Variants in TLE2 observed in about 807,000 individuals in gnomAD.
TLE2 encodes the protein transducin-like enhancer protein 2.
TLE2 carries 74 observed loss-of-function variants against 97.2 expected under a neutral mutation model. The ratio of observed to expected loss-of-function variants is 0.76; its 90% CI spans 0.63 to 0.92. The LOEUF is 0.92. Among genes scored for constraint, TLE2 ranks in the 40% least tolerant of loss-of-function variants. The pLI is 0.00. For synonymous variants in TLE2, 499 were observed against 432.1 expected, an observed-to-expected ratio of 1.15 and a Z score of -1.92; for missense variants, 1,038 against 1,008.7, an observed-to-expected ratio of 1.03 and a Z score of -0.39.
At chr19:3,040,038 G>T (rs1299766281) in intron 1 of TLE2, among the ~76,000 whole-genome samples, 1 of 152,226 alleles carries the variant, frequency 6.6e-6, no homozygotes, top group Non-Finnish European at 1.5e-5. Context: ...GGGACAATTT[G>T]GGGTGCGGAA....
intron 1 of TLE2, among the ~76,000 whole-genome samples, chr19:3,042,297 G>A (rs1415992737): frequency 7.4e-5 from 9 of 121,868 alleles, no homozygotes; most frequent in Non-Finnish European, 5.3e-5. Flanking sequence ...GGAAGGGGGG[G>A]CGGTGAGGTG....
intron 13 of TLE2, among the ~76,000 whole-genome samples, chr19:3,009,151 C>T (rs147948681): frequency 3.5e-4 from 54 of 152,328 alleles, no homozygotes; most frequent in Non-Finnish European, 5.1e-4. Context: ...TCCAGGAAAT[C>T]CTAGAACTCC....
chr19:3,012,096 A>C (rs1450726840), intron 11 of TLE2, among the ~76,000 whole-genome samples: 1 of 151,744 alleles, frequency 6.6e-6, no homozygotes, highest in African/African-American at 2.4e-5. Flanking sequence ...AATACAAAAA[A>C]TTAGCCAGGC....
rs761273219 is a variant in TLE2 at position 3,006,628 on chromosome 19, G to C, written c.1292C>G (p.Pro431Arg). Residue 431 changes from proline to arginine, a missense_variant, in exon 15 of 20, where the codon CCG (proline) becomes CGG (arginine). Physicochemically the swap from Pro to Arg is moderately radical, Grantham distance 103. Coordinates refer to ENST00000262953, the MANE Select transcript of TLE2 (RefSeq NM_003260.5). The part of the protein sequence containing the change: ...FHVSADGQMQ[P>R]VPFPSDALVG... Reference sequence around the variant, plus strand: ...CAGTGCATCCGAGGGGAAGGGAACCGGCTGCATCTGCCCGTCCGCAGACAC... The same window carrying C: ...CAGTGCATCCGAGGGGAAGGGAACCCGCTGCATCTGCCCGTCCGCAGACAC... 2 of 1,610,242 alleles carry C rather than the reference G, an allele frequency of 1.2e-6. No homozygotes were observed. Among genetic ancestry groups the C allele is most frequent in the Non-Finnish European group, 1.7e-6 (2 of 1,178,212 alleles).
At chr19:3,006,717 G>A (rs754694081) in intron 14 of TLE2, 48 bp from the exon 15 acceptor site, 6 of 1,535,830 alleles carry the variant, frequency 3.9e-6, no homozygotes, top group East Asian at 2.3e-5. Context: ...CCACGCCCCC[G>A]CACCCGCACC....
intron 1 of TLE2, among the ~76,000 whole-genome samples, chr19:3,038,765 C>T (rs1682389900): frequency 6.6e-6 from 1 of 152,108 alleles, no homozygotes; most frequent in African/African-American, 2.4e-5. Context: ...AAAATTAAGG[C>T]CGGGCGCAGT....
intron 19 of TLE2, among the ~76,000 whole-genome samples, chr19:2,998,948 A>G (rs1275937413): frequency 6.6e-6 from 1 of 152,226 alleles, no homozygotes; most frequent in Non-Finnish European, 1.5e-5. Context: ...GGCTTTGCCT[A>G]AAGTCTAAAT....
At chr19:3,006,359 T>A in intron 15 of TLE2, 61 bp downstream of exon 15, 1 of 1,569,374 alleles carries the variant, frequency 6.4e-7, no homozygotes, top group Non-Finnish European at 8.6e-7. Context: ...CACCGCCCCA[T>A]TGGAACATAA....
Position 3,019,409 on chromosome 19 carries a change from G to C in TLE2, c.424C>G (p.Pro142Ala). ...GCACTGCCGCCCACCAGCCCGGCTG[G>C]GCGGGGGGTGAGGGGCACAGGGGGT... Reference protein sequence around the residue: ...HAPPVPLTPRPAGLVGGSATG... With the variant: ...HAPPVPLTPRAAGLVGGSATG... The change falls in exon 7 of 20, where the codon CCA (proline) becomes GCA (alanine). Residue 142 changes from proline (P) to alanine (A), a missense_variant. Physicochemically the swap from Pro to Ala is conservative, Grantham distance 27. Coordinates refer to ENST00000262953, the MANE Select transcript of TLE2 (RefSeq NM_003260.5). The surrounding 1 kb of genome is among the most constrained non-coding windows in gnomAD (Gnocchi z 5.1). 1 of 1,539,006 alleles carries C rather than the reference G, an allele frequency of 6.5e-7. No individual in the cohort carries two copies. The highest frequency in any genetic ancestry group is 8.7e-7 in the Non-Finnish European group (1 of 1,147,910).
At chr19:3,030,092 C>T (rs376207822), upstream of TLE2, among the ~76,000 whole-genome samples, 2 of 152,290 alleles carry the variant, frequency 1.3e-5, no homozygotes, top group East Asian at 1.9e-4. Context: ...CGGGAGCCAC[C>T]GCACTGGGCA....
intron 1 of TLE2, 23 bp downstream of exon 1, chr19:3,028,858 C>G (rs1288308792): frequency 6.2e-7 from 1 of 1,611,688 alleles, no homozygotes; most frequent in South Asian, 1.1e-5. Context: ...ACTGGGGGCC[C>G]CCTCCCCGCA....
At chr19:3,021,522 T>C (rs906601087) in intron 5 of TLE2, among the ~76,000 whole-genome samples, 5 of 152,206 alleles carry the variant, frequency 3.3e-5, no homozygotes, top group Admixed American at 6.5e-5. Flanking sequence ...AATAGAATGA[T>C]TAATTTTATT....
Position 2,997,896 on chromosome 19 carries a change from C to T in TLE2, c.2184G>A (p.Val728=). ...CDISRNNKYI[V]TGSGDKKATV... ...TGGCCTTCTTGTCCCCCGAGCCTGT[C>T]ACGATGTATTTGTTATTTCTGGAGA... The change falls in exon 20 of 20, where the codon GTG becomes GTA. Residue 728 remains valine (V), a synonymous_variant. Transcript: ENST00000262953. 6.2e-7 allele frequency: 1 copy of T among 1,613,078 alleles called. No homozygotes were observed. Among genetic ancestry groups the T allele is most frequent in the South Asian group, 1.1e-5 (1 of 90,820 alleles).
rs1599228730 is a variant in TLE2, at chr19:3,019,213, A to C, written c.550+70T>G. On this transcript the variant is annotated intron_variant, in intron 7 of 19. Coordinates refer to ENST00000262953, the MANE Select transcript of TLE2 (RefSeq NM_003260.5). The surrounding 1 kb of genome is among the most constrained non-coding windows in gnomAD (Gnocchi z 5.1). ...TCATCCCCTCACGCTGATGTTTGCT[A>C]CCCTGGACTGCCAGTCGTCCTCCCC... 3 of 1,527,616 alleles carry C rather than the reference A, an allele frequency of 2.0e-6. No individual in the cohort carries two copies. Among genetic ancestry groups the C allele is most frequent in the Non-Finnish European group, 2.6e-6 (3 of 1,141,768 alleles). The allele number at this position is 1,527,616 out of a possible 1,614,324, so 94.6% of individuals were successfully genotyped here.
At chr19:3,036,072 G>T (rs756563974) in intron 1 of TLE2, among the ~76,000 whole-genome samples, 11 of 152,120 alleles carry the variant, frequency 7.2e-5, no homozygotes, top group Non-Finnish European at 1.3e-4. Context: ...GTTAAGTCAC[G>T]CTGGACGCCC....
Position 3,001,877 on chromosome 19 carries a change from G to A in TLE2, c.2047+476C>T, listed in dbSNP as rs189896758. Among the ~76,000 whole-genome samples, 419 of 141,016 alleles carry A rather than the reference G, an allele frequency of 3.0e-3. 3 individuals are homozygous for A. Among genetic ancestry groups the A allele is most frequent in the African/African-American group, 0.011 (410 of 37,676 alleles). 92.5% of individuals were successfully genotyped at this position (141,016 alleles called of 152,430 possible). On this transcript the variant is annotated intron_variant, in intron 18 of 19. Coordinates refer to ENST00000262953, the MANE Select transcript of TLE2 (RefSeq NM_003260.5). ...CAGTGGCATGATCTTGGCTCACTGCGACCTCCACCTCCCGGGTTCAGGCAA... is the reference window on the plus strand; with the variant it reads ...CAGTGGCATGATCTTGGCTCACTGCAACCTCCACCTCCCGGGTTCAGGCAA...
rs1397526659 is a variant in TLE2, at chr19:3,028,959, G to A, written c.-55C>T. On this transcript the variant is annotated 5_prime_UTR_variant, in exon 1 of 20. Transcript: ENST00000262953. Reference sequence around the variant, plus strand: ...CACCAGAGCTTGATGATATGGAGGCGGCAAGAGTGGGGGAGGCTGAAGTGG... The same window carrying A: ...CACCAGAGCTTGATGATATGGAGGCAGCAAGAGTGGGGGAGGCTGAAGTGG... The A allele has an allele frequency of 1.3e-6, 2 of 1,591,984 alleles. No individual in the cohort carries two copies. The highest frequency in any genetic ancestry group is 1.4e-5 in the African/African-American group (1 of 74,038).
intron 4 of TLE2, among the ~76,000 whole-genome samples, chr19:3,026,484 T>C (rs2089946442): frequency 6.6e-6 from 1 of 150,914 alleles, no homozygotes; most frequent in Non-Finnish European, 1.5e-5. Flanking sequence ...AAAAAATCTT[T>C]AGGTCTATCT....
chr19:3,044,983 C>T (rs933126282), intron 1 of TLE2, among the ~76,000 whole-genome samples: 7 of 152,052 alleles, frequency 4.6e-5, no homozygotes, highest in African/African-American at 1.4e-4. Flanking sequence ...TTTGGGAGGC[C>T]GAGGTGGGTG....
Sources: allele counts gnomAD v4.1 joint callset (sites outside exome capture counted in the v4.1 genomes callset), GRCh38; gene constraint gnomAD v4.1.1; non-coding constraint Gnocchi (gnomAD v3.1); transcripts MANE v1.5; gene names NCBI Gene and HGNC (gene_info 2026-07-23, HGNC 2026-07-21).